MRRF: variants seen among roughly 807,000 people sequenced by gnomAD.
The protein encoded by MRRF is ribosome-recycling factor, mitochondrial.
In MRRF, 18 loss-of-function variants were observed where a neutral mutation model predicts 25.1. The ratio of observed to expected loss-of-function variants is 0.72; its 90% CI spans 0.50 to 1.06. The LOEUF (loss-of-function observed/expected upper bound fraction) is 1.06. MRRF is among the 50% of genes least tolerant of loss of function. The pLI is 0.00. For synonymous variants in MRRF, 113 were observed against 112.1 expected (o/e 1.01, Z -0.05); for missense variants, 323 against 319.3 (o/e 1.01, Z -0.09).
chr9:122,318,700 A>G (rs1324223630), intron 6 of MRRF, among the ~76,000 whole-genome samples: 1 of 152,238 alleles, frequency 6.6e-6, no homozygotes, highest in Non-Finnish European at 1.5e-5. Context: ...CGATGTTATC[A>G]TCTCTATGAG....
In MRRF at chr9:122,268,670, T is replaced by C. The variant is rs1012085784; in HGVS notation, c.-28-2194T>C. Reference sequence around the variant, plus strand: ...ATTGAGAGAATTAAATGAAATAGTATGGTTAAAGCAAACAGTCCAAACTTG... The same window carrying C: ...ATTGAGAGAATTAAATGAAATAGTACGGTTAAAGCAAACAGTCCAAACTTG... On this transcript the variant is annotated intron_variant, in intron 1 of 6. Transcript: ENST00000344641. 4.6e-5 allele frequency among the ~76,000 whole-genome samples: 7 copies of C among 152,196 alleles called. No individual in the cohort carries two copies. In the South Asian group the frequency reaches 1.2e-3, roughly 27 times the overall value.
chr9:122,267,975 G>A (rs1027897054), intron 1 of MRRF, among the ~76,000 whole-genome samples: 8 of 152,198 alleles, frequency 5.3e-5, no homozygotes, highest in African/African-American at 1.9e-4. Context: ...TCCAGACTGC[G>A]TCCAAAGCTC....
intron 5 of MRRF, among the ~76,000 whole-genome samples, chr9:122,301,654 G>C (rs1259131045): frequency 6.6e-6 from 1 of 152,044 alleles, no homozygotes; most frequent in African/African-American, 2.4e-5. Context: ...CAGTAAATGA[G>C]AGTTAATACT....
At chr9:122,267,069 C>CAAA (rs755642170) in intron 1 of MRRF, among the ~76,000 whole-genome samples, 4 of 77,506 alleles carry the variant, frequency 5.2e-5, no homozygotes, top group Non-Finnish European at 7.8e-5. Context: ...GACTCCGTCT[C>CAAA]AAAAAAAAAA....
chr9:122,297,410 G>A (rs975826866), intron 5 of MRRF, among the ~76,000 whole-genome samples: 1 of 151,886 alleles, frequency 6.6e-6, no homozygotes, highest in Admixed American at 6.6e-5. Flanking sequence ...GCATATGTCT[G>A]GTATCTCCTT....
At chr9:122,277,090 G>A (rs1474203774) in intron 2 of MRRF, among the ~76,000 whole-genome samples, 3 of 152,108 alleles carry the variant, frequency 2.0e-5, no homozygotes, top group Admixed American at 6.5e-5. Flanking sequence ...GAACTGCTGG[G>A]ATCAAGCAAT....
intron 6 of MRRF, 86 bp from the exon 7 acceptor site, chr9:122,322,454 A>G (rs1351093686): frequency 2.1e-5 from 25 of 1,210,370 alleles, no homozygotes; most frequent in Non-Finnish European, 3.0e-5. Flanking sequence ...TATTTCTCAC[A>G]TAACCTTTTC....
At chr9:122,288,966 T>C (rs1398659878) in intron 4 of MRRF, among the ~76,000 whole-genome samples, 1 of 152,188 alleles carries the variant, frequency 6.6e-6, no homozygotes, top group Non-Finnish European at 1.5e-5. Context: ...CCTGTGATAC[T>C]GTCGAGCATC....
At chr9:122,273,666 T>G (rs1303740812) in intron 2 of MRRF, among the ~76,000 whole-genome samples, 2 of 152,164 alleles carry the variant, frequency 1.3e-5, no homozygotes, top group African/African-American at 2.4e-5. Context: ...AAATAGACTG[T>G]CACTTGTGTT....
Position 122,291,877 on chromosome 9 carries a change from G to C in MRRF, c.551+37G>C, listed in dbSNP as rs112144640. On this transcript the variant is annotated intron_variant, in intron 5 of 6. Transcript: ENST00000344641. ...TGAAATTCACATATTTTGATGAAAC[G>C]GGGTGGTTGTCCTTGGAAGGAAACC... 397 of 1,465,710 alleles carry C rather than the reference G, an allele frequency of 2.7e-4. 3 individuals are homozygous for C. The African/African-American group carries it at 4.9e-3, about 18-fold the overall frequency. The allele number at this position is 1,465,710 out of a possible 1,614,324, so 90.8% of individuals were successfully genotyped here. A position where few individuals can be genotyped will look rare whatever the true frequency, so the allele number is the denominator to read the frequency against.
At position 122,326,523 on chromosome 9, in the gene MRRF, A is replaced by G. The variant is rs1406098574; in HGVS notation, c.*3906A>G. 1 of 152,198 alleles carries G rather than the reference A, an allele frequency of 6.6e-6. No individual in the cohort carries two copies. Among genetic ancestry groups the G allele is most frequent in the East Asian group, 1.9e-4 (1 of 5,188 alleles). 9.4% of individuals were successfully genotyped at this position (152,198 alleles called of 1,614,324 possible). A position where few individuals can be genotyped will look rare whatever the true frequency, so the allele number is the denominator to read the frequency against. On this transcript the variant is annotated 3_prime_UTR_variant, in exon 7 of 7. Coordinates refer to ENST00000344641, the MANE Select transcript of MRRF (RefSeq NM_138777.5). ...TCCATGTGTGTACATAATAGATACA[A>G]TTTATTATTTCATTGTGATACAGTA... is the stretch of plus-strand genomic sequence containing the variant.
At chr9:122,317,096 G>A (rs1016777286) in intron 6 of MRRF, among the ~76,000 whole-genome samples, 3 of 141,576 alleles carry the variant, frequency 2.1e-5, no homozygotes, top group Non-Finnish European at 3.2e-5. Context: ...ATAAATCTTT[G>A]TTGAGATGAT....
chr9:122,286,205 G>A, intron 4 of MRRF: 1 of 1,287,758 alleles, frequency 7.8e-7, no homozygotes, highest in Non-Finnish European at 1.0e-6. Flanking sequence ...TATTTCAGTA[G>A]TTGTATTCCA....
At chr9:122,285,110 T>C (rs1160647977) in intron 3 of MRRF, 59 bp from the exon 4 acceptor site, 7 of 1,066,218 alleles carry the variant, frequency 6.6e-6, no homozygotes, top group Non-Finnish European at 8.7e-6. Context: ...TAGATAGGAC[T>C]TAGATTTGGG....
At chr9:122,317,379 A>G (rs538800021) in intron 6 of MRRF, among the ~76,000 whole-genome samples, 1 of 152,262 alleles carries the variant, frequency 6.6e-6, no homozygotes, top group African/African-American at 2.4e-5. Flanking sequence ...GATAATATAT[A>G]CTAAAATCCA....
chr9:122,310,237 G>A lies in MRRF; in HGVS notation c.552-2990G>A, dbSNP rs531213392. The stretch of plus-strand genomic sequence containing the variant: ...AGTGGCAGGCCCAGAAGTGGGGTCG[G>A]ATCTGAGTTTTGTAGCCTGGGATAG... On this transcript the variant is annotated intron_variant, in intron 5 of 6. Transcript: ENST00000344641. Among the ~76,000 whole-genome samples the A allele has an allele frequency of 3.3e-5, 5 of 152,304 alleles. No individual in the cohort carries two copies. The East Asian group carries it at 9.6e-4, about 29-fold the overall frequency.
At chr9:122,316,171 A>G (rs917313750) in intron 6 of MRRF, among the ~76,000 whole-genome samples, 3 of 151,900 alleles carry the variant, frequency 2.0e-5, no homozygotes, top group Non-Finnish European at 4.4e-5. Context: ...TTCTAAACAT[A>G]TTATTATTTA....
At chr9:122,269,767 AAAG>A (rs1214687794) in intron 1 of MRRF, among the ~76,000 whole-genome samples, 1 of 152,146 alleles carries the variant, frequency 6.6e-6, no homozygotes, top group African/African-American at 2.4e-5. Context: ...GTTTGAAAAA[AAAG>A]GTGATAGCTA....
At chr9:122,284,179 G>A (rs1006766738) in intron 3 of MRRF, among the ~76,000 whole-genome samples, 3 of 152,118 alleles carry the variant, frequency 2.0e-5, no homozygotes, top group African/African-American at 7.2e-5. Flanking sequence ...CTCCAGGGTG[G>A]GGCCCAGGAA....
Sources: allele counts gnomAD v4.1 joint callset (sites outside exome capture counted in the v4.1 genomes callset), GRCh38; gene constraint gnomAD v4.1.1; transcripts MANE v1.5; gene names NCBI Gene and HGNC (gene_info 2026-07-23, HGNC 2026-07-21).